CATSPER3: variants seen among roughly 807,000 people sequenced by gnomAD.
The protein encoded by CATSPER3 is cation channel sperm-associated protein 3.
CATSPER3 carries 23 observed loss-of-function variants against 36.6 expected under a neutral mutation model. The ratio of observed to expected loss-of-function variants is 0.63; its 90% CI spans 0.45 to 0.89. CATSPER3 has a LOEUF of 0.89. Among genes scored for constraint, CATSPER3 ranks in the 40% least tolerant of loss-of-function variants. The probability of loss-of-function intolerance (pLI) is 0.00; values close to 1 mark genes in which losing one functional copy is unlikely to be tolerated. For missense variants in CATSPER3, 474 were observed against 503.9 expected, an observed-to-expected ratio of 0.94 and a Z score of 0.57; for synonymous variants, 172 against 184.1, an observed-to-expected ratio of 0.93 and a Z score of 0.53.
chr5:135,006,836 G>GAAAAA (rs35478061), intron 3 of CATSPER3, among the ~76,000 whole-genome samples: 15 of 112,928 alleles, frequency 1.3e-4, no homozygotes, highest in African/African-American at 5.5e-4. Context: ...ACTCCGTCTC[G>GAAAAA]AAAAAAAAAA....
intron 2 of CATSPER3, among the ~76,000 whole-genome samples, chr5:134,980,925 C>T (rs966064643): frequency 1.3e-5 from 2 of 151,984 alleles, no homozygotes; most frequent in Non-Finnish European, 2.9e-5. Flanking sequence ...TACAGTATCT[C>T]ACTATGTTGC....
chr5:134,979,282 A>G (rs1196400348), intron 2 of CATSPER3, among the ~76,000 whole-genome samples: 1 of 152,104 alleles, frequency 6.6e-6, no homozygotes, highest in East Asian at 1.9e-4. Flanking sequence ...GACCATAGGC[A>G]TGCACCATCA....
At chr5:134,994,933 C>G in intron 2 of CATSPER3, among the ~76,000 whole-genome samples, 1 of 150,596 alleles carries the variant, frequency 6.6e-6, no homozygotes, top group Non-Finnish European at 1.5e-5. Flanking sequence ...CTCCCTACCT[C>G]CCTCCCTTCC....
intron 2 of CATSPER3, 63 bp from the exon 3 acceptor site, chr5:134,996,210 C>A: frequency 5.0e-6 from 8 of 1,610,802 alleles, no homozygotes; most frequent in Non-Finnish European, 6.8e-6. Context: ...ACGCAGGGAG[C>A]AGGCCAGAGC....
intron 2 of CATSPER3, 148 bp from the exon 3 acceptor site, chr5:134,996,125 G>C (rs533048465): frequency 1.3e-3 from 1,232 of 967,688 alleles, no homozygotes; most frequent in Non-Finnish European, 1.9e-3. Flanking sequence ...CACACTGAGC[G>C]TGTGCTGTGT....
chr5:134,986,603 A>G (rs1751813049), intron 2 of CATSPER3, among the ~76,000 whole-genome samples: 1 of 151,596 alleles, frequency 6.6e-6, no homozygotes, highest in Admixed American at 6.6e-5. Context: ...CTAGGATTAC[A>G]GGTGCATGCC....
In CATSPER3 at chr5:135,010,546, A is replaced by G. The variant is rs1448805282; in HGVS notation, c.1094+16A>G. 6.2e-7 allele frequency: 1 copy of G among 1,612,952 alleles called. No homozygotes were observed. The highest frequency in any genetic ancestry group is 1.3e-5 in the African/African-American group (1 of 74,860). Reference sequence around the variant, plus strand: ...CTGTCCACAAGTCAGTTCCAGCCCCAGCCTTCCCTGGTCCCTAGGGCTTCC... The same window carrying G: ...CTGTCCACAAGTCAGTTCCAGCCCCGGCCTTCCCTGGTCCCTAGGGCTTCC... On this transcript the variant is annotated intron_variant, in intron 7 of 7. Transcript: ENST00000282611.
intron 2 of CATSPER3, 64 bp downstream of exon 2, chr5:134,970,156 T>G: frequency 6.5e-7 from 1 of 1,526,942 alleles, no homozygotes; most frequent in South Asian, 1.1e-5. Context: ...CTGGAAACAT[T>G]ATAAGATTTT....
In CATSPER3 at chr5:135,011,499, C is replaced by T. The variant is rs757504598; in HGVS notation, c.1095-22C>T. On this transcript the variant is annotated intron_variant, in intron 7 of 7. Coordinates refer to ENST00000282611, the MANE Select transcript of CATSPER3 (RefSeq NM_178019.3). ...GCCTGCCTCTGACCTCAGATCTTATCTCCTCCTGCTCCATTTTTCAGGCTT... is the reference window on the plus strand; with the variant it reads ...GCCTGCCTCTGACCTCAGATCTTATTTCCTCCTGCTCCATTTTTCAGGCTT... The T allele has an allele frequency of 2.5e-6, 4 of 1,586,344 alleles. No homozygotes were observed. In the East Asian group the frequency reaches 9.0e-5, roughly 36 times the overall value.
intron 3 of CATSPER3, among the ~76,000 whole-genome samples, chr5:135,005,920 T>C (rs2149553030): frequency 6.6e-6 from 1 of 152,334 alleles, no homozygotes; most frequent in South Asian, 2.1e-4. Context: ...GCACTGGGCC[T>C]GGGCACCTGC....
rs533990400 is a variant in CATSPER3, at chr5:135,009,031, G to C, written c.816+50G>C. 1.9e-6 allele frequency: 3 copies of C among 1,613,076 alleles called. No homozygotes were observed. The African/African-American group carries it at 4.0e-5, about 22-fold the overall frequency. On this transcript the variant is annotated intron_variant, in intron 5 of 7. Coordinates refer to ENST00000282611, the MANE Select transcript of CATSPER3 (RefSeq NM_178019.3). ...GAGGTCAGGGCAGGTGTGGCAGATG[G>C]AGCTGTAGGGCAAGTCTCCAGGGAG...
chr5:135,004,996 G>A (rs1580914829), intron 3 of CATSPER3, among the ~76,000 whole-genome samples: 2 of 152,084 alleles, frequency 1.3e-5, no homozygotes, highest in African/African-American at 4.8e-5. Flanking sequence ...GAGACCAGTG[G>A]GAATCATGCG....
At chr5:134,980,111 A>G (rs1751732368) in intron 2 of CATSPER3, among the ~76,000 whole-genome samples, 1 of 151,998 alleles carries the variant, frequency 6.6e-6, no homozygotes, top group Non-Finnish European at 1.5e-5. Context: ...CCTGCTGAGT[A>G]GCTAGGACTA....
At chr5:134,968,257 A>G (rs900207193) in intron 1 of CATSPER3, 168 bp downstream of exon 1, 7 of 646,348 alleles carry the variant, frequency 1.1e-5, no homozygotes, top group East Asian at 5.7e-5. Flanking sequence ...CTGGCATGCT[A>G]TTACCTTTAT....
intron 7 of CATSPER3, 65 bp downstream of exon 7, chr5:135,010,595 C>T (rs1252218294): frequency 4.1e-6 from 6 of 1,464,670 alleles, no homozygotes; most frequent in Non-Finnish European, 4.8e-6. Flanking sequence ...GTGTCAGGTG[C>T]CCTGGGAGAG....
rs1580916165 is a variant in CATSPER3 at position 135,008,007 on chromosome 5, C to G, written c.543C>G (p.Leu181=). Residue 181 remains leucine (L), a synonymous_variant, in exon 4 of 8, where the codon CTC becomes CTG. Transcript: ENST00000282611. ...CAGTCTACACCGTGGCCTCTGTGCTCCTCCTGCTCTTCCTCCTCATGTACA... is the reference window on the plus strand; with the variant it reads ...CAGTCTACACCGTGGCCTCTGTGCTGCTCCTGCTCTTCCTCCTCATGTACA... The part of the protein sequence containing the change: ...GQTVYTVASV[L]LLLFLLMYIF... The G allele has an allele frequency of 1.2e-6, 2 of 1,614,144 alleles. No homozygotes were observed. Among genetic ancestry groups the G allele is most frequent in the East Asian group, 2.2e-5 (1 of 44,880 alleles).
intron 2 of CATSPER3, among the ~76,000 whole-genome samples, chr5:134,985,369 T>C (rs1751796001): frequency 6.6e-6 from 1 of 152,142 alleles, no homozygotes; most frequent in Admixed American, 6.5e-5. Flanking sequence ...AAGTGGGAGC[T>C]AAACTGTGGG....
intron 2 of CATSPER3, among the ~76,000 whole-genome samples, chr5:134,993,850 C>T (rs575013956): frequency 5.3e-5 from 8 of 152,300 alleles, no homozygotes; most frequent in South Asian, 2.1e-4. Flanking sequence ...ACTGTCCAGG[C>T]GCAGTGGCTC....
At chr5:135,007,643 C>G (rs1014360192) in intron 3 of CATSPER3, among the ~76,000 whole-genome samples, 7 of 152,216 alleles carry the variant, frequency 4.6e-5, no homozygotes, top group Non-Finnish European at 1.0e-4. Flanking sequence ...ACCACACAGC[C>G]AGGTTGGGGT....
Sources: allele counts gnomAD v4.1 joint callset (sites outside exome capture counted in the v4.1 genomes callset), GRCh38; gene constraint gnomAD v4.1.1; transcripts MANE v1.5; gene names NCBI Gene and HGNC (gene_info 2026-07-23, HGNC 2026-07-21).